The following PHC2 variants were observed in gnomAD, a reference collection of about 807,000 sequenced individuals.
The protein encoded by PHC2 is polyhomeotic-like protein 2.
In PHC2, 29 loss-of-function variants were observed where a neutral mutation model predicts 87.4. The observed-to-expected ratio is 0.33, with a 90% confidence interval of 0.25 to 0.45. The LOEUF (loss-of-function observed/expected upper bound fraction) is 0.45. Ranked by LOEUF, PHC2 falls within the 20% of genes least tolerant of loss-of-function variation. PHC2 has a pLI of 1.00. For missense variants in PHC2, 857 were observed against 1,136.7 expected (o/e 0.75, Z 3.54); for synonymous variants, 438 against 461.7 (o/e 0.95, Z 0.66).
Position 33,351,512 on chromosome 1 carries a change from C to T in PHC2, c.1558+2889G>A, listed in dbSNP as rs578175126. On this transcript the variant is annotated intron_variant, in intron 9 of 14. Transcript: ENST00000683057. ...CCTCAAATCCATCTATGGCATTTAT[C>T]GCATTTTACTTTCTATTGTAATTTT... Among the ~76,000 whole-genome samples, 6 of 152,234 alleles carry T rather than the reference C, an allele frequency of 3.9e-5. No homozygotes were observed. In the South Asian group the frequency reaches 8.3e-4, roughly 21 times the overall value.
intron 1 of PHC2, among the ~76,000 whole-genome samples, chr1:33,417,296 T>C (rs1486592361): frequency 6.6e-6 from 1 of 152,108 alleles, no homozygotes; most frequent in African/African-American, 2.4e-5. Context: ...GCTATCCCGA[T>C]AATTATAGTA....
chr1:33,381,312 A>T (rs1648479601), intron 1 of PHC2, among the ~76,000 whole-genome samples: 1 of 152,164 alleles, frequency 6.6e-6, no homozygotes, highest in South Asian at 2.1e-4. Context: ...GTTGAATAAA[A>T]TTGCTTGAAA....
chr1:33,370,952 C>G (rs2148325922), intron 4 of PHC2, 65 bp downstream of exon 4: 1 of 1,323,696 alleles, frequency 7.6e-7, no homozygotes, highest in Admixed American at 1.7e-5. Flanking sequence ...ACAACTGGGT[C>G]TGGGAACTTG....
rs1037204449 is a variant in PHC2 at position 33,369,030 on chromosome 1, G to C, written c.577-408C>G. 6.6e-6 allele frequency among the ~76,000 whole-genome samples: 1 copy of C among 152,138 alleles called. No homozygotes were observed. Among genetic ancestry groups the C allele is most frequent in the African/African-American group, 2.4e-5 (1 of 41,418 alleles). Reference sequence around the variant, plus strand: ...CCTGGGAAGCGAGATGGATGCCCTAGGACCACCTTCCAGGTCTAACCCACT... The same window carrying C: ...CCTGGGAAGCGAGATGGATGCCCTACGACCACCTTCCAGGTCTAACCCACT... On this transcript the variant is annotated intron_variant, in intron 5 of 14. Coordinates refer to ENST00000683057, the MANE Select transcript of PHC2 (RefSeq NM_001385109.1). The surrounding 1 kb of genome is among the most constrained non-coding windows in gnomAD (Gnocchi z 4.7).
chr1:33,354,587 GA>G (rs749186608), intron 8 of PHC2, 21 bp from the exon 9 acceptor site: 2 of 1,602,490 alleles, frequency 1.2e-6, no homozygotes, highest in East Asian at 2.2e-5. Context: ...ACAGGACAGA[GA>G]GGGGGGCCTC....
At chr1:33,328,378 ATTTTT>A (rs10631917) in intron 14 of PHC2, among the ~76,000 whole-genome samples, 5 of 133,684 alleles carry the variant, frequency 3.7e-5, no homozygotes, top group Non-Finnish European at 7.8e-5. Flanking sequence ...TCTTAATTAA[ATTTTT>A]TTTTTTTTTT....
chr1:33,335,177 C>G (rs963344309), intron 9 of PHC2: 3 of 985,134 alleles, frequency 3.0e-6, no homozygotes, highest in Non-Finnish European at 3.6e-6. Flanking sequence ...TATACACAAC[C>G]ACACGACAGT....
At chr1:33,325,854 G>C (rs1374970636) in intron 14 of PHC2, 1 of 456,616 alleles carries the variant, frequency 2.2e-6, no homozygotes. Flanking sequence ...CTCAGAACTG[G>C]CCACAGGCAG....
chr1:33,417,647 T>C (rs1454834677), intron 1 of PHC2, among the ~76,000 whole-genome samples: 1 of 152,082 alleles, frequency 6.6e-6, no homozygotes, highest in South Asian at 2.1e-4. Flanking sequence ...CTGATAGCAC[T>C]AAAAGGAGGA....
chr1:33,349,484 C>G lies in PHC2; in HGVS notation c.1558+4917G>C. 9.1e-6 allele frequency: 9 copies of G among 985,216 alleles called. No homozygotes were observed. Among genetic ancestry groups the G allele is most frequent in the Non-Finnish European group, 1.1e-5 (9 of 829,866 alleles). The allele number at this position is 985,216 out of a possible 1,614,324, so 61.0% of individuals were successfully genotyped here. A position where few individuals can be genotyped will look rare whatever the true frequency, so the allele number is the denominator to read the frequency against. On this transcript the variant is annotated intron_variant, in intron 9 of 14. Transcript: ENST00000683057. This position sits in a 1 kb window ranked among gnomAD's most constrained non-coding sequence, Gnocchi z 4.2. ...GCCGCGACTGGCACGGCCTGGCAGCCGCGTAGGCCCGGGCCGTTAGGGGCA... is the reference window on the plus strand; with the variant it reads ...GCCGCGACTGGCACGGCCTGGCAGCGGCGTAGGCCCGGGCCGTTAGGGGCA...
At chr1:33,428,734 C>G (rs920440458) in intron 1 of PHC2, among the ~76,000 whole-genome samples, 2 of 152,118 alleles carry the variant, frequency 1.3e-5, no homozygotes, top group Admixed American at 6.5e-5. Context: ...AAAAGAAGCC[C>G]AATGCATGAG....
Position 33,382,214 on chromosome 1 carries a change from T to C in PHC2, c.-54-6621A>G, listed in dbSNP as rs1648528293. The stretch of plus-strand genomic sequence containing the variant: ...CTTTTTGAACCAGAGCTTTCATATC[T>C]CCCCCTTCACACCTTCCTTCCGCTC... On this transcript the variant is annotated intron_variant, in intron 1 of 14. Coordinates refer to ENST00000683057, the MANE Select transcript of PHC2 (RefSeq NM_001385109.1). The surrounding 1 kb of genome is among the most constrained non-coding windows in gnomAD (Gnocchi z 4.3). Among the ~76,000 whole-genome samples the C allele has an allele frequency of 6.6e-6, 1 of 152,094 alleles. No individual in the cohort carries two copies. Among genetic ancestry groups the C allele is most frequent in the South Asian group, 2.1e-4 (1 of 4,816 alleles).
chr1:33,329,681 C>A (rs982425819), intron 13 of PHC2, among the ~76,000 whole-genome samples: 2 of 152,064 alleles, frequency 1.3e-5, no homozygotes, highest in Non-Finnish European at 2.9e-5. Context: ...ACTCTGTGCT[C>A]GCGTGTTCAG....
In PHC2 at chr1:33,395,409, A is replaced by G. The variant is rs1049370229; in HGVS notation, c.-54-19816T>C. On this transcript the variant is annotated intron_variant, in intron 1 of 14. Transcript: ENST00000683057. ...AAATTTACAGAATAGTGTTTTTCAA[A>G]TTTGTGCATTTTGTTGTATATACAT... Among the ~76,000 whole-genome samples the G allele has an allele frequency of 4.9e-4, 75 of 152,018 alleles. 1 individual carries two copies. Among genetic ancestry groups the G allele is most frequent in the African/African-American group, 1.5e-3 (64 of 41,412 alleles).
intron 1 of PHC2, among the ~76,000 whole-genome samples, chr1:33,395,152 G>A (rs1237919245): frequency 6.6e-6 from 1 of 152,118 alleles, no homozygotes; most frequent in Non-Finnish European, 1.5e-5. Context: ...CAACAACATG[G>A]ATGAATTTAA....
chr1:33,409,497 G>GT (rs1310174953), intron 1 of PHC2, among the ~76,000 whole-genome samples: 5 of 152,100 alleles, frequency 3.3e-5, no homozygotes, highest in Admixed American at 2.0e-4. Flanking sequence ...AGGATAACAG[G>GT]TTTTTTCTTG....
At chr1:33,342,630 A>G (rs1646765900) in intron 9 of PHC2, among the ~76,000 whole-genome samples, 1 of 152,018 alleles carries the variant, frequency 6.6e-6, no homozygotes, top group African/African-American at 2.4e-5. Context: ...CCTGAGCTCA[A>G]ACTCAGCAGC....
Position 33,326,199 on chromosome 1 carries a change from A to G in PHC2, c.2426-1180T>C, listed in dbSNP as rs542899425. 22 of 204,122 alleles carry G rather than the reference A, an allele frequency of 1.1e-4. No individual in the cohort carries two copies. The South Asian group carries it at 1.5e-3, about 14-fold the overall frequency. 12.6% of individuals were successfully genotyped at this position (204,122 alleles called of 1,614,324 possible). On this transcript the variant is annotated intron_variant, in intron 14 of 14. Coordinates refer to ENST00000683057, the MANE Select transcript of PHC2 (RefSeq NM_001385109.1). The stretch of plus-strand genomic sequence containing the variant: ...GAGAAGGTAAAAACAAACAAACAAA[A>G]CTGTTCAACATAAAGGAACCGGGAT...
chr1:33,391,134 A>G (rs1649034894), intron 1 of PHC2, among the ~76,000 whole-genome samples: 1 of 152,232 alleles, frequency 6.6e-6, no homozygotes, highest in African/African-American at 2.4e-5. Context: ...GCACACAACA[A>G]AATCACCTGG....
Sources: allele counts gnomAD v4.1 joint callset (sites outside exome capture counted in the v4.1 genomes callset), GRCh38; gene constraint gnomAD v4.1.1; non-coding constraint Gnocchi (gnomAD v3.1); transcripts MANE v1.5; gene names NCBI Gene and HGNC (gene_info 2026-07-23, HGNC 2026-07-21).